The following BRD10 variants were observed in gnomAD, a reference collection of about 807,000 sequenced individuals.
BRD10 encodes the protein uncharacterized bromodomain-containing protein 10.
the BRD10 span, among the ~76,000 whole-genome samples, chr9:5,958,829 G>A: frequency 6.6e-6 from 1 of 152,124 alleles, no homozygotes; most frequent in Non-Finnish European, 1.5e-5. Context: ...TTATTAAACA[G>A]TGAATTTGCA....
the BRD10 span, among the ~76,000 whole-genome samples, chr9:5,886,502 C>T: frequency 5.3e-5 from 8 of 152,228 alleles, no homozygotes; most frequent in Admixed American, 2.6e-4. Context: ...TTATCCCTTT[C>T]ATTTCAGATG....
the BRD10 span, chr9:6,008,148 AC>A: frequency 1.1e-5 from 11 of 972,630 alleles, no homozygotes; most frequent in African/African-American, 3.7e-5. Flanking sequence ...TCGGCGCCCC[AC>A]CCCCTCCCGG....
At chr9:5,920,207 C>T in the BRD10 span, 17 of 1,612,610 alleles carry the variant, frequency 1.1e-5, no homozygotes, top group Non-Finnish European at 1.4e-5. Flanking sequence ...AGATTGAATG[C>T]CTTGGCCACT....
chr9:5,998,062 A>G, the BRD10 span, among the ~76,000 whole-genome samples: 50 of 152,306 alleles, frequency 3.3e-4, no homozygotes, highest in African/African-American at 1.1e-3. Context: ...TGGCTAGAGC[A>G]ATTTGGTGGA....
chr9:5,985,237 A>T, the BRD10 span, among the ~76,000 whole-genome samples: 1 of 152,208 alleles, frequency 6.6e-6, no homozygotes, highest in Non-Finnish European at 1.5e-5. Flanking sequence ...CTTACTTCAT[A>T]CCACACACAA....
At chr9:6,005,328 T>G in the BRD10 span, among the ~76,000 whole-genome samples, 1 of 151,976 alleles carries the variant, frequency 6.6e-6, no homozygotes, top group African/African-American at 2.4e-5. Flanking sequence ...CTGGCCAACA[T>G]GGCGAAACCC....
the BRD10 span, among the ~76,000 whole-genome samples, chr9:5,884,479 G>A: frequency 6.6e-6 from 1 of 152,170 alleles, no homozygotes; most frequent in Non-Finnish European, 1.5e-5. Context: ...CTGGGGCCCT[G>A]AGCCCTAAAC....
chr9:5,966,328 T>C, the BRD10 span, among the ~76,000 whole-genome samples: 1 of 152,194 alleles, frequency 6.6e-6, no homozygotes, highest in Non-Finnish European at 1.5e-5. Flanking sequence ...TTTGAGCATA[T>C]GAACAGAAGT....
chr9:5,985,642 G>A, the BRD10 span, among the ~76,000 whole-genome samples: 1,007 of 152,144 alleles, frequency 6.6e-3, 13 homozygotes, highest in African/African-American at 0.023. Flanking sequence ...AGAATTAGCC[G>A]GGTGTGGTGG....
At chr9:5,998,314 T>C in the BRD10 span, among the ~76,000 whole-genome samples, 4 of 152,238 alleles carry the variant, frequency 2.6e-5, no homozygotes, top group Non-Finnish European at 5.9e-5. Context: ...CTATTACGAA[T>C]ATAAACACTA....
chr9:5,954,182 A>C, the BRD10 span: 1 of 714,946 alleles, frequency 1.4e-6, no homozygotes, highest in Non-Finnish European at 2.4e-6. Context: ...CTTGAAAGTT[A>C]AATTGTAACT....
At chr9:5,965,203 A>C in the BRD10 span, among the ~76,000 whole-genome samples, 2 of 152,152 alleles carry the variant, frequency 1.3e-5, no homozygotes, top group Non-Finnish European at 2.9e-5. Flanking sequence ...GTCCACCCTA[A>C]GTGAAGGTTC....
At chr9:5,942,537 T>C in the BRD10 span, among the ~76,000 whole-genome samples, 6 of 152,228 alleles carry the variant, frequency 3.9e-5, no homozygotes, top group African/African-American at 1.4e-4. Context: ...GAACAATAGA[T>C]GCAAACTTTT....
At chr9:5,920,949 T>C in the BRD10 span, 14 of 1,613,862 alleles carry the variant, frequency 8.7e-6, no homozygotes, top group South Asian at 3.3e-5. Context: ...TCATTTCCAC[T>C]GACTAAAACA....
the BRD10 span, among the ~76,000 whole-genome samples, chr9:5,991,233 T>C: frequency 6.6e-6 from 1 of 152,142 alleles, no homozygotes; most frequent in African/African-American, 2.4e-5. Flanking sequence ...CTAGATGCCA[T>C]ATGTGTATTA....
chr9:6,007,524 C>G, the BRD10 span: 40 of 1,612,972 alleles, frequency 2.5e-5, no homozygotes, highest in African/African-American at 5.1e-4. Flanking sequence ...CCTGCAGGAA[C>G]TCGCCCAGGA....
At chr9:5,920,537 A>G in the BRD10 span, 2 of 1,613,960 alleles carry the variant, frequency 1.2e-6, no homozygotes, top group Admixed American at 3.3e-5. Flanking sequence ...CGTATTAGTT[A>G]TTTTACCTGG....
the BRD10 span, chr9:5,907,000 T>TA: frequency 6.4e-7 from 1 of 1,569,798 alleles, no homozygotes; most frequent in South Asian, 1.2e-5. Flanking sequence ...GAACCTGTGG[T>TA]AGGTTAAGAT....
the BRD10 span, among the ~76,000 whole-genome samples, chr9:5,918,669 G>GC: frequency 6.8e-6 from 1 of 146,808 alleles, no homozygotes; most frequent in South Asian, 2.1e-4. Flanking sequence ...GCCATTAGTG[G>GC]CATTAGTGGC....
Sources: allele counts gnomAD v4.1 joint callset (sites outside exome capture counted in the v4.1 genomes callset), GRCh38; gene constraint gnomAD v4.1.1; transcripts MANE v1.5; gene names NCBI Gene and HGNC (gene_info 2026-07-23, HGNC 2026-07-21).